Variants in PARD3B observed in about 807,000 individuals in gnomAD.
PARD3B encodes partitioning defective 3 homolog B.
PARD3B carries 103 observed loss-of-function variants against 130.2 expected under a neutral mutation model. That is an observed-to-expected ratio of 0.79 (90% CI 0.67 to 0.93). PARD3B has a LOEUF of 0.93. PARD3B is among the 40% of genes least tolerant of loss of function. The pLI is 0.00. For missense variants in PARD3B, 1,609 were observed against 1,499.2 expected, an observed-to-expected ratio of 1.07 and a Z score of -1.21; for synonymous variants, 583 against 553.2, an observed-to-expected ratio of 1.05 and a Z score of -0.76.
rs1487566649 is a variant in PARD3B at position 205,572,662 on chromosome 2, T to C, written c.3260+19259T>C. ...CGGGAGGCTGAGGGAGGAGAATTGC[T>C]TGAACCCAGAAGGTGGAGGTTGCAG... On this transcript the variant is annotated intron_variant, in intron 22 of 22. Coordinates refer to ENST00000406610, the MANE Select transcript of PARD3B (RefSeq NM_001302769.2). This position sits in a 1 kb window ranked among gnomAD's most constrained non-coding sequence, Gnocchi z 4.2. 6.6e-6 allele frequency among the ~76,000 whole-genome samples: 1 copy of C among 152,104 alleles called. No individual in the cohort carries two copies. Among genetic ancestry groups the C allele is most frequent in the East Asian group, 1.9e-4 (1 of 5,182 alleles).
Position 205,091,996 on chromosome 2 carries a change from G to A in PARD3B, c.505-12430G>A, listed in dbSNP as rs1015847068. ...ATGATATAGTTTTGTTGAATAATGA[G>A]CGTTACCCAAAAACCTTTCCCTTGA... On this transcript the variant is annotated intron_variant, in intron 4 of 22. Transcript: ENST00000406610. The surrounding 1 kb of genome is among the most constrained non-coding windows in gnomAD (Gnocchi z 4.2). Among the ~76,000 whole-genome samples the A allele has an allele frequency of 2.0e-5, 3 of 152,060 alleles. No individual in the cohort carries two copies. The highest frequency in any genetic ancestry group is 2.9e-5 in the Non-Finnish European group (2 of 68,012).
chr2:205,095,869 C>G (rs1427896697), intron 4 of PARD3B, among the ~76,000 whole-genome samples: 2 of 151,890 alleles, frequency 1.3e-5, no homozygotes, highest in Admixed American at 6.6e-5. Flanking sequence ...ACTGAGAAAT[C>G]TTAACAATGA....
intron 18 of PARD3B, among the ~76,000 whole-genome samples, chr2:205,357,003 G>GT (rs1209289896): frequency 6.6e-6 from 1 of 151,900 alleles, no homozygotes; most frequent in African/African-American, 2.4e-5. Context: ...ATTATCTATT[G>GT]TTTCTCATTT....
chr2:204,767,020 C>CGA (rs1358546491), intron 2 of PARD3B, among the ~76,000 whole-genome samples: 1 of 28,998 alleles, frequency 3.4e-5, no homozygotes, highest in Non-Finnish European at 9.2e-5. Flanking sequence ...TTATTATACT[C>CGA]TAAGTTTTAG....
At position 205,265,089 on chromosome 2, in the gene PARD3B, C is replaced by A. The variant is rs1457811676; in HGVS notation, c.2185+19267C>A. On this transcript the variant is annotated intron_variant, in intron 16 of 22. Transcript: ENST00000406610. This position sits in a 1 kb window ranked among gnomAD's most constrained non-coding sequence, Gnocchi z 4.3. ...ACAGCGAAACCGGATAGATGTGGCA[C>A]CAATAGCTTACTTCAAATAAATTAA... Among the ~76,000 whole-genome samples, 2 of 141,614 alleles carry A rather than the reference C, an allele frequency of 1.4e-5. No homozygotes were observed. The highest frequency in any genetic ancestry group is 5.2e-5 in the African/African-American group (2 of 38,698). 92.9% of individuals were successfully genotyped at this position (141,614 alleles called of 152,430 possible). A position where few individuals can be genotyped will look rare whatever the true frequency, so the allele number is the denominator to read the frequency against.
chr2:205,412,297 G>A (rs2106056656), intron 19 of PARD3B, among the ~76,000 whole-genome samples: 1 of 152,276 alleles, frequency 6.6e-6, no homozygotes, highest in Middle Eastern at 3.4e-3. Flanking sequence ...AGGCTGAAGT[G>A]GTTTGGGCTG....
At chr2:204,760,372 A>G (rs2040847390) in intron 2 of PARD3B, among the ~76,000 whole-genome samples, 1 of 152,092 alleles carries the variant, frequency 6.6e-6, no homozygotes, top group Non-Finnish European at 1.5e-5. Context: ...AATGGAATAA[A>G]TCATGACAAA....
rs1332996690 is a variant in PARD3B at position 205,274,618 on chromosome 2, A to C, written c.2186-25912A>C. ...ATTGATTTTTTTATAAATCATTTCT[A>C]CTTACTTTCTATCTGAATATTATCT... is the stretch of plus-strand genomic sequence containing the variant. On this transcript the variant is annotated intron_variant, in intron 16 of 22. Transcript: ENST00000406610. This position sits in a 1 kb window ranked among gnomAD's most constrained non-coding sequence, Gnocchi z 4.2. Among the ~76,000 whole-genome samples the C allele has an allele frequency of 6.6e-6, 1 of 151,946 alleles. No homozygotes were observed. Among genetic ancestry groups the C allele is most frequent in the African/African-American group, 2.4e-5 (1 of 41,406 alleles).
chr2:204,953,454 G>C (rs1215063184), intron 2 of PARD3B, among the ~76,000 whole-genome samples: 1 of 146,132 alleles, frequency 6.8e-6, no homozygotes, highest in Non-Finnish European at 1.5e-5. Flanking sequence ...GAGAGAGAGA[G>C]AGAGAGAGAG....
intron 2 of PARD3B, among the ~76,000 whole-genome samples, chr2:204,849,433 C>T (rs2044615262): frequency 6.6e-6 from 1 of 152,174 alleles, no homozygotes; most frequent in Non-Finnish European, 1.5e-5. Context: ...CTTCTTGCAA[C>T]CTTTTACGTG....
chr2:205,099,546 C>G (rs1575777244), intron 4 of PARD3B, among the ~76,000 whole-genome samples: 1 of 152,086 alleles, frequency 6.6e-6, no homozygotes, highest in East Asian at 1.9e-4. Flanking sequence ...GAAGGAAAAG[C>G]TTAAGTATTC....
chr2:205,013,818 G>T (rs973560068), intron 3 of PARD3B, among the ~76,000 whole-genome samples: 3 of 152,110 alleles, frequency 2.0e-5, no homozygotes, highest in Admixed American at 1.3e-4. Context: ...GTTCCTGTTG[G>T]GATGTGGGAA....
chr2:204,789,503 G>C (rs1290827632), intron 2 of PARD3B, among the ~76,000 whole-genome samples: 1 of 152,200 alleles, frequency 6.6e-6, no homozygotes, highest in Non-Finnish European at 1.5e-5. Context: ...TCCATCAGAA[G>C]TAGTAAAATC....
intron 2 of PARD3B, among the ~76,000 whole-genome samples, chr2:204,688,260 A>G (rs962112670): frequency 6.6e-6 from 1 of 152,112 alleles, no homozygotes; most frequent in African/African-American, 2.4e-5. Context: ...TGTTGCTAGA[A>G]AAAATTGTGT....
intron 2 of PARD3B, among the ~76,000 whole-genome samples, chr2:204,941,193 G>A (rs969256348): frequency 6.6e-6 from 1 of 152,068 alleles, no homozygotes; most frequent in Non-Finnish European, 1.5e-5. Flanking sequence ...GTCCAACATG[G>A]CCAAACTCCG....
At chr2:205,029,545 A>G (rs1439594740) in intron 3 of PARD3B, among the ~76,000 whole-genome samples, 1 of 152,158 alleles carries the variant, frequency 6.6e-6, no homozygotes, top group Non-Finnish European at 1.5e-5. Context: ...TACCCACTAA[A>G]ATGTTCAGTC....
chr2:204,940,875 A>G lies in PARD3B; in HGVS notation c.223-24277A>G, dbSNP rs552114257. On this transcript the variant is annotated intron_variant, in intron 2 of 22. Coordinates refer to ENST00000406610, the MANE Select transcript of PARD3B (RefSeq NM_001302769.2). Reference sequence around the variant, plus strand: ...CCACTGTCAATAAGATAGTGTCCTTAGCCTAAGGAGCTTGTTATTTATTAG... The same window carrying G: ...CCACTGTCAATAAGATAGTGTCCTTGGCCTAAGGAGCTTGTTATTTATTAG... Among the ~76,000 whole-genome samples the G allele has an allele frequency of 3.3e-5, 5 of 152,132 alleles. No individual in the cohort carries two copies. The South Asian group carries it at 1.0e-3, about 32-fold the overall frequency.
intron 16 of PARD3B, among the ~76,000 whole-genome samples, chr2:205,283,922 C>T (rs2041287267): frequency 6.6e-6 from 1 of 152,154 alleles, no homozygotes. Context: ...CTCCCCTCTA[C>T]CCCCACAGGA....
At chr2:204,858,668 C>G (rs984568036) in intron 2 of PARD3B, among the ~76,000 whole-genome samples, 1 of 150,484 alleles carries the variant, frequency 6.6e-6, no homozygotes, top group Non-Finnish European at 1.5e-5. Flanking sequence ...TATAGCTGTT[C>G]TTGCCATGGG....
Sources: gnomAD v4.1 joint callset for allele counts (sites outside exome capture counted in the v4.1 genomes callset) on GRCh38, gnomAD v4.1.1 for gene constraint, Gnocchi (gnomAD v3.1) non-coding constraint, MANE v1.5 for transcripts, NCBI Gene and HGNC (gene_info 2026-07-23, HGNC 2026-07-21) for gene names.